The following AUTS2 variants were observed in gnomAD, a reference collection of about 807,000 sequenced individuals.
The protein encoded by AUTS2 is activator of transcription and developmental regulator AUTS2.
A neutral mutation model predicts 112.4 loss-of-function variants in AUTS2; 17 were observed. The ratio of observed to expected loss-of-function variants is 0.15; its 90% confidence interval spans 0.10 to 0.23. The LOEUF (loss-of-function observed/expected upper bound fraction) is 0.23. Among genes scored for constraint, AUTS2 ranks in the 10% least tolerant of loss-of-function variants. The pLI is 1.00. For synonymous variants in AUTS2, 751 were observed against 702.7 expected (o/e 1.07, Z -1.09); for missense variants, 1,510 against 1,701.6 (o/e 0.89, Z 1.98).
chr7:70,056,877 T>C (rs1476953735), intron 2 of AUTS2, among the ~76,000 whole-genome samples: 1 of 152,226 alleles, frequency 6.6e-6, no homozygotes, highest in Non-Finnish European at 1.5e-5. Flanking sequence ...GTGCTCTTGC[T>C]GAGAATAGGG....
intron 5 of AUTS2, among the ~76,000 whole-genome samples, chr7:70,452,350 T>C (rs1031855524): frequency 3.3e-5 from 5 of 152,150 alleles, no homozygotes; most frequent in Middle Eastern, 3.4e-3. Context: ...TCCCAGCTAA[T>C]TGGGAGGCTG....
intron 5 of AUTS2, among the ~76,000 whole-genome samples, chr7:70,447,999 A>C (rs1796384732): frequency 6.6e-6 from 1 of 152,226 alleles, no homozygotes; most frequent in Non-Finnish European, 1.5e-5. Flanking sequence ...GTTCTTTAAA[A>C]GGACAATTTA....
intron 1 of AUTS2, among the ~76,000 whole-genome samples, chr7:69,854,178 C>G (rs1438607631): frequency 6.6e-6 from 1 of 152,116 alleles, no homozygotes; most frequent in Non-Finnish European, 1.5e-5. Context: ...TGTAATTGCC[C>G]AGCACTGTGC....
chr7:70,324,083 G>T (rs894426303), intron 4 of AUTS2, among the ~76,000 whole-genome samples: 2 of 152,192 alleles, frequency 1.3e-5, no homozygotes, highest in Non-Finnish European at 2.9e-5. Context: ...CTCAGATTTG[G>T]TTGGGAACCA....
At chr7:69,647,820 A>G (rs1397094292) in intron 1 of AUTS2, among the ~76,000 whole-genome samples, 5 of 152,216 alleles carry the variant, frequency 3.3e-5, no homozygotes, top group African/African-American at 9.6e-5. Flanking sequence ...TCTTAAGCCT[A>G]TAGGGGAATC....
At chr7:69,649,195 CCT>C (rs1275890026) in intron 1 of AUTS2, among the ~76,000 whole-genome samples, 4 of 152,100 alleles carry the variant, frequency 2.6e-5, no homozygotes, top group African/African-American at 4.8e-5. Context: ...ATACCTTGGA[CCT>C]CTCTGGTTTT....
chr7:69,957,826 C>T (rs555221436), intron 2 of AUTS2, among the ~76,000 whole-genome samples: 1 of 152,128 alleles, frequency 6.6e-6, no homozygotes, highest in East Asian at 1.9e-4. Context: ...CCTGTGCCTT[C>T]GTGCAGGTTA....
intron 1 of AUTS2, among the ~76,000 whole-genome samples, chr7:69,695,147 A>T (rs1797501502): frequency 6.6e-6 from 1 of 151,402 alleles, no homozygotes. Context: ...ACACAGTGAG[A>T]CTCCATTTCT....
intron 4 of AUTS2, among the ~76,000 whole-genome samples, chr7:70,242,548 A>G (rs2129600843): frequency 6.6e-6 from 1 of 152,332 alleles, no homozygotes; most frequent in African/African-American, 2.4e-5. Flanking sequence ...GACATGCAGT[A>G]GGCACTCAAT....
chr7:69,600,435 G>GTGTGTGTGTC (rs1554331993), intron 1 of AUTS2, among the ~76,000 whole-genome samples: 1 of 151,202 alleles, frequency 6.6e-6, no homozygotes, highest in African/African-American at 2.4e-5. Flanking sequence ...GTGTGTGTGT[G>GTGTGTGTGTC]TGTGTGTCTG....
At chr7:69,945,860 G>GTTTT (rs1454824755) in intron 2 of AUTS2, among the ~76,000 whole-genome samples, 1 of 151,934 alleles carries the variant, frequency 6.6e-6, no homozygotes, top group Non-Finnish European at 1.5e-5. Flanking sequence ...GTTTTGTTTT[G>GTTTT]TTTTCAAGAT....
At chr7:70,396,469 C>A (rs181671993) in intron 4 of AUTS2, among the ~76,000 whole-genome samples, 1 of 152,012 alleles carries the variant, frequency 6.6e-6, no homozygotes, top group African/African-American at 2.4e-5. Context: ...CTCTACCTCC[C>A]GGGTTCAAGC....
chr7:70,373,784 C>T (rs542615242), intron 4 of AUTS2, among the ~76,000 whole-genome samples: 24 of 152,256 alleles, frequency 1.6e-4, no homozygotes, highest in African/African-American at 5.8e-4. Flanking sequence ...TGTAAGTCCT[C>T]CCCCTGCTAA....
At chr7:69,745,827 A>G (rs372000017) in intron 1 of AUTS2, among the ~76,000 whole-genome samples, 8 of 152,118 alleles carry the variant, frequency 5.3e-5, no homozygotes, top group Non-Finnish European at 1.0e-4. Flanking sequence ...TGTCTTGCCA[A>G]TTGTGTTACT....
chr7:70,208,335 T>G (rs1810683757), intron 4 of AUTS2, among the ~76,000 whole-genome samples: 1 of 152,204 alleles, frequency 6.6e-6, no homozygotes, highest in African/African-American at 2.4e-5. Flanking sequence ...GATGACCCCA[T>G]GACATCACTA....
intron 6 of AUTS2, among the ~76,000 whole-genome samples, chr7:70,728,496 A>C (rs546086032): frequency 6.0e-4 from 92 of 152,132 alleles, no homozygotes; most frequent in Non-Finnish European, 1.1e-3. Flanking sequence ...GTCACCTGAG[A>C]TCAGGAGTTC....
intron 1 of AUTS2, among the ~76,000 whole-genome samples, chr7:69,619,880 C>T (rs1198931203): frequency 6.6e-6 from 1 of 152,104 alleles, no homozygotes; most frequent in Non-Finnish European, 1.5e-5. Context: ...ATGTGTCTAA[C>T]ACAGAAAAAG....
intron 4 of AUTS2, among the ~76,000 whole-genome samples, chr7:70,243,630 T>C (rs1812745359): frequency 6.6e-6 from 1 of 151,882 alleles, no homozygotes; most frequent in Non-Finnish European, 1.5e-5. Context: ...AGTCTGTTTC[T>C]CCCAACTCTG....
intron 5 of AUTS2, among the ~76,000 whole-genome samples, chr7:70,619,564 T>TA (rs10658629): frequency 0.34 from 49,972 of 146,768 alleles, 8,801 homozygotes; most frequent in Non-Finnish European, 0.37. Flanking sequence ...GTCAAGGTAT[T>TA]AAAAAAAAAA....
Sources: gnomAD v4.1 joint callset for allele counts (sites outside exome capture counted in the v4.1 genomes callset) on GRCh38, gnomAD v4.1.1 for gene constraint, MANE v1.5 for transcripts, NCBI Gene and HGNC (gene_info 2026-07-23, HGNC 2026-07-21) for gene names.